The following U2SURP variants were observed in gnomAD, a reference collection of about 807,000 sequenced individuals.
The protein encoded by U2SURP is U2 snRNP-associated SURP motif-containing protein.
U2SURP carries 9 observed loss-of-function variants against 144.9 expected under a neutral mutation model. The ratio of observed to expected loss-of-function variants is 0.06; its 90% confidence interval spans 0.04 to 0.11. The LOEUF is 0.11. U2SURP is among the 10% of genes least tolerant of loss of function. The pLI, the probability that U2SURP is intolerant of heterozygous loss-of-function variation, is 1.00. For synonymous variants in U2SURP, 408 were observed against 396.8 expected, an observed-to-expected ratio of 1.03 and a Z score of -0.33; for missense variants, 724 against 1,226.7, an observed-to-expected ratio of 0.59 and a Z score of 6.12.
At chr3:143,005,899 T>C (rs183477678) in intron 1 of U2SURP, among the ~76,000 whole-genome samples, 2 of 152,270 alleles carry the variant, frequency 1.3e-5, no homozygotes, top group East Asian at 3.9e-4. Flanking sequence ...TACAAGATAT[T>C]AAAATCAAAA....
chr3:143,020,512 T>A (rs1936578411), intron 7 of U2SURP, 87 bp from the exon 8 acceptor site: 2 of 845,658 alleles, frequency 2.4e-6, no homozygotes, highest in Non-Finnish European at 3.9e-6. Context: ...TCTAGTTATT[T>A]GATGATAGTA....
intron 25 of U2SURP, among the ~76,000 whole-genome samples, chr3:143,052,460 C>T (rs1934935203): frequency 6.6e-6 from 1 of 152,200 alleles, no homozygotes. Context: ...GAGATGCTCA[C>T]TGTTCTGATG....
chr3:143,021,689 G>A, intron 10 of U2SURP, 134 bp downstream of exon 10: 1 of 817,224 alleles, frequency 1.2e-6, no homozygotes, highest in Non-Finnish European at 1.9e-6. Flanking sequence ...TTGTCTTACT[G>A]GTATGGCCCA....
intron 14 of U2SURP, 42 bp downstream of exon 14, chr3:143,027,295 AT>A: frequency 6.6e-7 from 1 of 1,507,762 alleles, no homozygotes; most frequent in East Asian, 2.3e-5. Context: ...GTAACATAAA[AT>A]TTCCCATTTT....
intron 18 of U2SURP, among the ~76,000 whole-genome samples, 154 bp downstream of exon 18, chr3:143,033,504 A>G (rs1405639297): frequency 1.3e-5 from 2 of 152,202 alleles, no homozygotes; most frequent in Non-Finnish European, 2.9e-5. Flanking sequence ...TCAACCAACC[A>G]TGAATTGAAA....
At position 143,036,085 on chromosome 3, in the gene U2SURP, T is replaced by C. The variant is rs774548411; in HGVS notation, c.2045T>C (p.Ile682Thr). 2 of 1,606,578 alleles carry C rather than the reference T, an allele frequency of 1.2e-6. No individual in the cohort carries two copies. The highest frequency in any genetic ancestry group is 4.5e-5 in the East Asian group (2 of 44,656). The change falls in exon 20 of 28, where the codon ATT (isoleucine) becomes ACT (threonine). Residue 682 changes from isoleucine to threonine, a missense_variant. Physicochemically the swap from Ile to Thr is moderately conservative, Grantham distance 89. Around this residue, in one of 13 missense-constraint regions of U2SURP, gnomAD observed 116 missense variants for 167.9 expected, o/e 0.69. Coordinates refer to ENST00000473835, the MANE Select transcript of U2SURP (RefSeq NM_001080415.2). ...ATTTTCTTAGGACTTGTAAATATTA[T>C]TGAAGAAAAGGAAACAGAGGTAGGC... ...QNIFLGLVNI[I>T]EEKETEDVPD...
chr3:143,032,456 T>C (rs570512901), intron 16 of U2SURP, among the ~76,000 whole-genome samples: 8 of 152,068 alleles, frequency 5.3e-5, no homozygotes, highest in Non-Finnish European at 1.0e-4. Context: ...AGAAGGGGAG[T>C]AAAGAACATG....
chr3:143,019,929 ATCC>A, intron 6 of U2SURP, 37 bp from the exon 7 acceptor site: 1 of 1,204,156 alleles, frequency 8.3e-7, no homozygotes, highest in East Asian at 2.8e-5. Context: ...GGTTTTGCTT[ATCC>A]TTTTGTTTGA....
chr3:143,043,247 GA>G lies in U2SURP; in HGVS notation c.2520del (p.Lys840AsnfsTer13). On this transcript the variant is annotated frameshift_variant, in exon 24 of 28. Coordinates refer to ENST00000473835, the MANE Select transcript of U2SURP (RefSeq NM_001080415.2). LOFTEE classifies it high-confidence loss of function. Reference protein sequence around the residue: ...KFSKYSEMSEEKRAKLREIEL... With the variant: ...KFSKYSEMSEXKRAKLREIEL... ...CTCTAAGTACTCTGAAATGAGTGAGGAAAAACGAGCCAAACTTCGTGAAATT... is the reference window on the plus strand; with the variant it reads ...CTCTAAGTACTCTGAAATGAGTGAGGAAAACGAGCCAAACTTCGTGAAATT... The G allele has an allele frequency of 6.2e-7, 1 of 1,603,862 alleles. No homozygotes were observed. The highest frequency in any genetic ancestry group is 2.2e-5 in the East Asian group (1 of 44,740).
At chr3:143,014,442 G>C in intron 4 of U2SURP, 33 bp downstream of exon 4, 1 of 1,423,042 alleles carries the variant, frequency 7.0e-7, no homozygotes, top group South Asian at 1.2e-5. Flanking sequence ...AATTATCCTT[G>C]GAAATGAATG....
chr3:143,042,014 T>C (rs1934141720), intron 23 of U2SURP, among the ~76,000 whole-genome samples: 1 of 152,022 alleles, frequency 6.6e-6, no homozygotes, highest in African/African-American at 2.4e-5. Flanking sequence ...GAATGTATTT[T>C]TTTTAAAAAA....
At chr3:143,010,202 T>C (rs1274157006) in intron 1 of U2SURP, among the ~76,000 whole-genome samples, 1 of 152,244 alleles carries the variant, frequency 6.6e-6, no homozygotes, top group Non-Finnish European at 1.5e-5. Context: ...GTTGAAGTTT[T>C]AACAGTTGAC....
Position 143,051,147 on chromosome 3 carries a change from C to A in U2SURP, c.2655+98C>A, listed in dbSNP as rs1474046504. The stretch of plus-strand genomic sequence containing the variant: ...CCTAAAGATGATTTCAAATTATATC[C>A]TTTGTATAAATTTTGAATACTAGTA... On this transcript the variant is annotated intron_variant, in intron 25 of 27. Transcript: ENST00000473835. 4.3e-6 allele frequency: 3 copies of A among 694,744 alleles called. No homozygotes were observed. In the South Asian group the frequency reaches 6.3e-5, roughly 15 times the overall value. 43.0% of individuals were successfully genotyped at this position (694,744 alleles called of 1,614,324 possible).
chr3:143,032,309 G>T (rs1405525900), intron 16 of U2SURP, among the ~76,000 whole-genome samples: 2 of 152,164 alleles, frequency 1.3e-5, no homozygotes, highest in Non-Finnish European at 2.9e-5. Context: ...TTGACCTTGT[G>T]ATCCGCCTAC....
chr3:143,019,548 T>A (rs530614894), intron 6 of U2SURP, among the ~76,000 whole-genome samples: 1 of 152,362 alleles, frequency 6.6e-6, no homozygotes, highest in Admixed American at 6.5e-5. Flanking sequence ...TATTCTTCCC[T>A]ATTAAATTAT....
intron 13 of U2SURP, among the ~76,000 whole-genome samples, chr3:143,024,221 G>A (rs1178571564): frequency 2.0e-5 from 3 of 151,936 alleles, no homozygotes; most frequent in African/African-American, 2.4e-5. Context: ...TGTTTTTATT[G>A]TTATCACTGT....
rs1935318254 is a variant in U2SURP, at chr3:143,060,218, TCTTTTA to T, written c.*3772_*3777del. On this transcript the variant is annotated 3_prime_UTR_variant, in exon 28 of 28. Transcript: ENST00000473835. ...TGTGCTTGGAGTATTTGTGTTTTATTCTTTTACTTCAACGGGTTCTTGTCTGTTACA... is the reference window on the plus strand; with the variant it reads ...TGTGCTTGGAGTATTTGTGTTTTATTCTTCAACGGGTTCTTGTCTGTTACA... 2.6e-5 allele frequency: 4 copies of T among 152,462 alleles called. No individual in the cohort carries two copies. The South Asian group carries it at 6.2e-4, about 24-fold the overall frequency. The allele number at this position is 152,462 out of a possible 1,614,324, so 9.4% of individuals were successfully genotyped here. A position where few individuals can be genotyped will look rare whatever the true frequency, so the allele number is the denominator to read the frequency against.
chr3:143,012,174 G>A (rs1385019674), intron 2 of U2SURP, 48 bp from the exon 3 acceptor site: 23 of 1,592,768 alleles, frequency 1.4e-5, no homozygotes, highest in Admixed American at 1.8e-5. Context: ...TGCTATATAT[G>A]TATATATGTG....
At chr3:143,038,858 C>T in intron 22 of U2SURP, 36 bp from the exon 23 acceptor site, 1 of 1,477,222 alleles carries the variant, frequency 6.8e-7, no homozygotes, top group Non-Finnish European at 9.1e-7. Context: ...GCTAGTTTAC[C>T]TCGTGGAATT....
Sources: allele counts gnomAD v4.1 joint callset (sites outside exome capture counted in the v4.1 genomes callset), GRCh38; gene constraint gnomAD v4.1.1; regional missense constraint gnomAD v4.1.1; transcripts MANE v1.5; gene names NCBI Gene and HGNC (gene_info 2026-07-23, HGNC 2026-07-21).